ARHGAP6: variants seen among roughly 807,000 people sequenced by gnomAD.
The protein encoded by ARHGAP6 is rho GTPase-activating protein 6.
ARHGAP6 carries 16 observed loss-of-function variants against 55.7 expected under a neutral mutation model. That is an observed-to-expected ratio of 0.29 (90% CI 0.19 to 0.44). ARHGAP6 has a LOEUF of 0.44. ARHGAP6 is among the 20% of genes least tolerant of loss of function. The pLI is 1.00. For synonymous variants in ARHGAP6, 382 were observed against 360.9 expected (o/e 1.06, Z -0.66); for missense variants, 698 against 808.9 (o/e 0.86, Z 1.66).
At chrX:11,406,416 T>A (rs748203305) in intron 1 of ARHGAP6, among the ~76,000 whole-genome samples, 2 of 111,344 alleles carry the variant, frequency 1.8e-5, no homozygotes, top group South Asian at 7.7e-4. Flanking sequence ...TTTTCCTTTT[T>A]AGAGATTCAT....
chrX:11,343,725 C>T (rs1156412605), intron 1 of ARHGAP6, among the ~76,000 whole-genome samples: 4 of 111,546 alleles, frequency 3.6e-5, no homozygotes. Flanking sequence ...CTCTAGGTGA[C>T]TTCAATGCAC....
intron 1 of ARHGAP6, among the ~76,000 whole-genome samples, chrX:11,447,502 A>G (rs757696299): frequency 7.1e-5 from 8 of 111,975 alleles, no homozygotes; most frequent in Non-Finnish European, 1.5e-4. Flanking sequence ...CACAGCCACA[A>G]CTCATTCATG....
intron 8 of ARHGAP6, among the ~76,000 whole-genome samples, chrX:11,171,313 C>G (rs1307576896): frequency 9.1e-6 from 1 of 109,545 alleles, no homozygotes; most frequent in African/African-American, 3.3e-5. Context: ...ATATTTTCTT[C>G]TTTAAAACTG....
intron 1 of ARHGAP6, chrX:11,298,998 A>G (rs1220240782): frequency 2.5e-6 from 3 of 1,202,858 alleles, no homozygotes; most frequent in Admixed American, 4.4e-5. Context: ...AAGCCACTAC[A>G]ATGCAAATCC....
At chrX:11,611,820 C>T (rs1383461518) in intron 1 of ARHGAP6, among the ~76,000 whole-genome samples, 2 of 110,322 alleles carry the variant, frequency 1.8e-5, no homozygotes, top group Non-Finnish European at 3.8e-5. Context: ...TCTCTCACTC[C>T]ATATCACTGA....
intron 8 of ARHGAP6, among the ~76,000 whole-genome samples, chrX:11,173,615 C>G (rs2046125793): frequency 8.9e-6 from 1 of 112,035 alleles, no homozygotes; most frequent in Admixed American, 9.4e-5. Flanking sequence ...TAGAAGAAAA[C>G]AAAACAAACA....
At chrX:11,355,951 A>G (rs2048925328) in intron 1 of ARHGAP6, among the ~76,000 whole-genome samples, 1 of 111,475 alleles carries the variant, frequency 9.0e-6, no homozygotes, top group African/African-American at 3.3e-5. Flanking sequence ...AATTTTACTC[A>G]ATGCTAGTCC....
At chrX:11,155,557 C>T (rs971715840) in intron 10 of ARHGAP6, among the ~76,000 whole-genome samples, 2 of 111,732 alleles carry the variant, frequency 1.8e-5, no homozygotes, top group Non-Finnish European at 3.8e-5. Flanking sequence ...GCCTCGGCAT[C>T]CCAAAGTGCT....
At chrX:11,642,668 T>C (rs1291761299) in intron 1 of ARHGAP6, among the ~76,000 whole-genome samples, 2 of 111,886 alleles carry the variant, frequency 1.8e-5, no homozygotes, top group Admixed American at 1.9e-4. Flanking sequence ...TGAAAACATT[T>C]TGCTAAGTAA....
At chrX:11,151,274 T>C (rs979573096) in intron 10 of ARHGAP6, among the ~76,000 whole-genome samples, 22 of 108,718 alleles carry the variant, frequency 2.0e-4, no homozygotes, top group South Asian at 4.1e-4. Context: ...TTTTTTTTTT[T>C]TCCCCCTAGA....
intron 1 of ARHGAP6, among the ~76,000 whole-genome samples, chrX:11,388,003 G>A (rs1244458504): frequency 1.1e-4 from 12 of 111,793 alleles, no homozygotes; most frequent in Admixed American, 5.7e-4. Flanking sequence ...GAATAGTGCT[G>A]CAATAAACAT....
rs541427327 is a variant in ARHGAP6 at position 11,168,855 on chromosome X, A to C, written c.1809+650T>G. On this transcript the variant is annotated intron_variant, in intron 9 of 12. Coordinates refer to ENST00000337414, the MANE Select transcript of ARHGAP6 (RefSeq NM_013427.3). ...AAAACAGGAACTGGTAATTCAATAC[A>C]AATCAAAAAAATATTTATTGAGTGC... Among the ~76,000 whole-genome samples the C allele has an allele frequency of 4.4e-5, 5 of 112,463 alleles. No homozygotes were observed. The South Asian group carries it at 1.8e-3, about 42-fold the overall frequency.
chrX:11,389,920 G>T (rs898923028), intron 1 of ARHGAP6, among the ~76,000 whole-genome samples: 7 of 111,931 alleles, frequency 6.3e-5, no homozygotes, highest in African/African-American at 2.3e-4. Flanking sequence ...TTAACCACTA[G>T]TCTAGTTCTA....
At chrX:11,348,386 A>G (rs936016247) in intron 1 of ARHGAP6, among the ~76,000 whole-genome samples, 2 of 111,757 alleles carry the variant, frequency 1.8e-5, no homozygotes, top group Non-Finnish European at 3.8e-5. Context: ...CCGTTGTGAG[A>G]CCCTGGAAAA....
At chrX:11,577,811 A>G (rs1460529614) in intron 1 of ARHGAP6, among the ~76,000 whole-genome samples, 1 of 111,508 alleles carries the variant, frequency 9.0e-6, no homozygotes, top group African/African-American at 3.3e-5. Flanking sequence ...GGCACTGTAC[A>G]AGTAGCTGGA....
chrX:11,162,032 A>G (rs1185921943), intron 9 of ARHGAP6, among the ~76,000 whole-genome samples: 1 of 111,206 alleles, frequency 9.0e-6, no homozygotes, highest in Non-Finnish European at 1.9e-5. Flanking sequence ...GGATTATCTG[A>G]TTTGTTTACC....
chrX:11,555,653 G>A (rs2051313136), intron 1 of ARHGAP6, among the ~76,000 whole-genome samples: 1 of 110,681 alleles, frequency 9.0e-6, no homozygotes, highest in South Asian at 3.9e-4. Context: ...AGGCTGAGGT[G>A]GGAGAATCTC....
intron 1 of ARHGAP6, among the ~76,000 whole-genome samples, chrX:11,437,649 A>T (rs1281487215): frequency 8.9e-6 from 1 of 112,262 alleles, no homozygotes; most frequent in African/African-American, 3.2e-5. Context: ...TATTAATTAC[A>T]TCTAAACTTT....
intron 1 of ARHGAP6, among the ~76,000 whole-genome samples, chrX:11,529,116 G>C (rs1211425348): frequency 1.8e-5 from 2 of 111,258 alleles, no homozygotes; most frequent in Non-Finnish European, 3.8e-5. Context: ...GAAATCTCTC[G>C]AGTCTTTAGT....
Sources: allele counts gnomAD v4.1 joint callset (sites outside exome capture counted in the v4.1 genomes callset), GRCh38; gene constraint gnomAD v4.1.1; transcripts MANE v1.5; gene names NCBI Gene and HGNC (gene_info 2026-07-23, HGNC 2026-07-21).